PELI2: variants seen among roughly 807,000 people sequenced by gnomAD.
PELI2 encodes pellino E3 ubiquitin protein ligase family member 2.
In PELI2, 23 loss-of-function variants were observed where a neutral mutation model predicts 42.3. The observed-to-expected ratio is 0.54, with a 90% confidence interval of 0.39 to 0.77. The LOEUF (loss-of-function observed/expected upper bound fraction) is 0.77. Ranked by LOEUF, PELI2 falls within the 30% of genes least tolerant of loss-of-function variation. The pLI, the probability that PELI2 is intolerant of heterozygous loss-of-function variation, is 0.00. For missense variants in PELI2, 463 were observed against 553.2 expected (o/e 0.84, Z 1.64); for synonymous variants, 245 against 212.2 (o/e 1.15, Z -1.34).
chr14:56,145,633 A>C (rs1274248885), intron 1 of PELI2, among the ~76,000 whole-genome samples: 1 of 152,210 alleles, frequency 6.6e-6, no homozygotes, highest in Non-Finnish European at 1.5e-5. Context: ...GCATTATCAG[A>C]CAGTAGCAGT....
chr14:56,135,726 G>T (rs1219816015), intron 1 of PELI2, among the ~76,000 whole-genome samples: 1 of 152,194 alleles, frequency 6.6e-6, no homozygotes, highest in Non-Finnish European at 1.5e-5. Flanking sequence ...AAAAGACCAA[G>T]ACTAACAGTG....
In PELI2 at chr14:56,126,354, T is replaced by C. The variant is rs138294985; in HGVS notation, c.77+7617T>C. Among the ~76,000 whole-genome samples, 149 of 152,372 alleles carry C rather than the reference T, an allele frequency of 9.8e-4. No individual in the cohort carries two copies. The East Asian group carries it at 0.025, about 26-fold the overall frequency. Reference sequence around the variant, plus strand: ...ATTTTCAGCAGCAGGTTTAAGGCTATTGCGAGTCATTCTCGATTGAGGTTT... The same window carrying C: ...ATTTTCAGCAGCAGGTTTAAGGCTACTGCGAGTCATTCTCGATTGAGGTTT... On this transcript the variant is annotated intron_variant, in intron 1 of 5. Coordinates refer to ENST00000267460, the MANE Select transcript of PELI2 (RefSeq NM_021255.3).
intron 2 of PELI2, among the ~76,000 whole-genome samples, chr14:56,246,346 A>G (rs1888155274): frequency 6.6e-6 from 1 of 152,142 alleles, no homozygotes. Context: ...CTTGGTTTTG[A>G]TTCTGTCCAT....
chr14:56,230,811 G>A (rs1887533969), intron 2 of PELI2, among the ~76,000 whole-genome samples: 1 of 152,174 alleles, frequency 6.6e-6, no homozygotes, highest in Admixed American at 6.5e-5. Context: ...CTGGCAAATT[G>A]GATAAAGAGT....
intron 2 of PELI2, among the ~76,000 whole-genome samples, chr14:56,257,641 C>T (rs540307347): frequency 9.2e-5 from 14 of 152,242 alleles, no homozygotes; most frequent in Non-Finnish European, 2.1e-4. Flanking sequence ...AATTCACTGC[C>T]TCTCCCTACT....
At chr14:56,123,077 T>C (rs1332236982) in intron 1 of PELI2, among the ~76,000 whole-genome samples, 1 of 152,268 alleles carries the variant, frequency 6.6e-6, no homozygotes, top group East Asian at 1.9e-4. Context: ...ATTGATAAGC[T>C]CTACAAAAGG....
chr14:56,189,187 T>C (rs965728699), intron 2 of PELI2, among the ~76,000 whole-genome samples: 6 of 152,128 alleles, frequency 3.9e-5, no homozygotes, highest in Non-Finnish European at 5.9e-5. Context: ...CAGGGATTTA[T>C]ATCAGTCAGT....
intron 2 of PELI2, among the ~76,000 whole-genome samples, chr14:56,272,166 T>G (rs1050414451): frequency 2.6e-5 from 4 of 152,226 alleles, no homozygotes; most frequent in African/African-American, 7.2e-5. Context: ...CAGACTATTG[T>G]GTGGCCCAGG....
chr14:56,288,336 A>G lies in PELI2; in HGVS notation c.310-101A>G. ...TTAAATTCTAACCCTCAGAACAAGG[A>G]TAGTGAATGTTAAAGGAATCCTGAA... On this transcript the variant is annotated intron_variant, in intron 3 of 5. Transcript: ENST00000267460. This position sits in a 1 kb window ranked among gnomAD's most constrained non-coding sequence, Gnocchi z 4.6. 1.2e-6 allele frequency: 1 copy of G among 827,608 alleles called. No individual in the cohort carries two copies. The highest frequency in any genetic ancestry group is 2.1e-5 in the Admixed American group (1 of 47,352). The allele number at this position is 827,608 out of a possible 1,614,324, so 51.3% of individuals were successfully genotyped here. A position where few individuals can be genotyped will look rare whatever the true frequency, so the allele number is the denominator to read the frequency against.
rs142742948 is a variant in PELI2, at chr14:56,126,983, G to A, written c.77+8246G>A. 9.6e-4 allele frequency among the ~76,000 whole-genome samples: 146 copies of A among 152,196 alleles called. 1 individual carries two copies. The highest frequency in any genetic ancestry group is 4.1e-3 in the East Asian group (21 of 5,184). ...TTATTGAGTTGTTTTTTGTCTCCTC[G>A]GGTTGTTGATCATTCTAGTGAGCAC... is the stretch of plus-strand genomic sequence containing the variant. On this transcript the variant is annotated intron_variant, in intron 1 of 5. Transcript: ENST00000267460.
At chr14:56,235,368 T>G (rs1887753492) in intron 2 of PELI2, among the ~76,000 whole-genome samples, 1 of 152,240 alleles carries the variant, frequency 6.6e-6, no homozygotes, top group South Asian at 2.1e-4. Flanking sequence ...TCTTTGAAAA[T>G]GCACATTGTA....
At chr14:56,263,127 T>C (rs1264107466) in intron 2 of PELI2, among the ~76,000 whole-genome samples, 1 of 152,024 alleles carries the variant, frequency 6.6e-6, no homozygotes, top group African/African-American at 2.4e-5. Flanking sequence ...TGGCTAATTT[T>C]TTTTGTACTT....
chr14:56,247,255 T>G (rs1302768049), intron 2 of PELI2, among the ~76,000 whole-genome samples: 1 of 152,232 alleles, frequency 6.6e-6, no homozygotes, highest in Non-Finnish European at 1.5e-5. Flanking sequence ...AAACTACTTT[T>G]ATCACCCAAG....
chr14:56,179,279 GT>G (rs1358141178), intron 2 of PELI2, among the ~76,000 whole-genome samples: 6 of 152,126 alleles, frequency 3.9e-5, no homozygotes, highest in African/African-American at 1.4e-4. Context: ...TTGATCATGA[GT>G]TTGGACCACC....
At position 56,288,193 on chromosome 14, in the gene PELI2, T is replaced by A. The variant is rs1257778973; in HGVS notation, c.310-244T>A. ...GTGCTCAAATATTTCAGAGGATACA[T>A]CTCATATTATATTCTTAGCACAATA... On this transcript the variant is annotated intron_variant, in intron 3 of 5. Coordinates refer to ENST00000267460, the MANE Select transcript of PELI2 (RefSeq NM_021255.3). This position sits in a 1 kb window ranked among gnomAD's most constrained non-coding sequence, Gnocchi z 4.6. Among the ~76,000 whole-genome samples the A allele has an allele frequency of 1.3e-5, 2 of 152,144 alleles. No homozygotes were observed. Among genetic ancestry groups the A allele is most frequent in the African/African-American group, 4.8e-5 (2 of 41,440 alleles).
intron 2 of PELI2, among the ~76,000 whole-genome samples, chr14:56,183,902 C>T (rs978364225): frequency 6.6e-6 from 1 of 152,094 alleles, no homozygotes; most frequent in Non-Finnish European, 1.5e-5. Flanking sequence ...AAAAAGTTGT[C>T]TTAGCTGAAA....
rs991100718 is a variant in PELI2, at chr14:56,223,516, T to C, written c.207+45052T>C. ...GTCCTGTTCCCCTATGGCTTGCAGA[T>C]GTGCAGAAAAAGGCCACAATTGTGG... is the stretch of plus-strand genomic sequence containing the variant. On this transcript the variant is annotated intron_variant, in intron 2 of 5. Transcript: ENST00000267460. Among the ~76,000 whole-genome samples the C allele has an allele frequency of 5.9e-5, 9 of 152,182 alleles. 1 individual carries two copies. The highest frequency in any genetic ancestry group is 4.6e-4 in the Admixed American group (7 of 15,284).
At chr14:56,259,252 G>C (rs1188694) in intron 2 of PELI2, among the ~76,000 whole-genome samples, 86,794 of 151,994 alleles carry the variant, frequency 0.57, 25,215 homozygotes, top group African/African-American at 0.64. Context: ...GAAAACAACA[G>C]ATGGAAATTT....
intron 2 of PELI2, among the ~76,000 whole-genome samples, chr14:56,205,494 G>A (rs1399626298): frequency 6.6e-6 from 1 of 152,174 alleles, no homozygotes; most frequent in African/African-American, 2.4e-5. Context: ...AGCTTAGCTA[G>A]GACTGGACTG....
Sources: allele counts gnomAD v4.1 joint callset (sites outside exome capture counted in the v4.1 genomes callset), GRCh38; gene constraint gnomAD v4.1.1; non-coding constraint Gnocchi (gnomAD v3.1); transcripts MANE v1.5; gene names NCBI Gene and HGNC (gene_info 2026-07-23, HGNC 2026-07-21).